COMMD1: variants seen among roughly 807,000 people sequenced by gnomAD.
COMMD1 encodes the protein copper metabolism domain containing 1, also known as COMM domain-containing protein 1.
A neutral mutation model predicts 17.2 loss-of-function variants in COMMD1; 10 were observed. The observed-to-expected ratio is 0.58, with a 90% CI of 0.36 to 0.99. COMMD1 has a LOEUF of 0.99. Ranked by LOEUF, COMMD1 falls within the 50% of genes least tolerant of loss-of-function variation. COMMD1 has a pLI of 0.01. For missense variants in COMMD1, 270 were observed against 231.8 expected, an observed-to-expected ratio of 1.17 and a Z score of -1.07; for synonymous variants, 97 against 91.6, an observed-to-expected ratio of 1.06 and a Z score of -0.34.
intron 1 of COMMD1, among the ~76,000 whole-genome samples, chr2:61,976,895 C>T (rs1232834933): frequency 6.7e-6 from 1 of 149,400 alleles, no homozygotes; most frequent in Admixed American, 6.7e-5. Flanking sequence ...GTGGTGTGGT[C>T]TCGGCTCACT....
chr2:62,119,256 C>A (rs1672681468), intron 2 of COMMD1, among the ~76,000 whole-genome samples: 1 of 152,176 alleles, frequency 6.6e-6, no homozygotes, highest in South Asian at 2.1e-4. Context: ...ACACCTTCAT[C>A]TTGGACTTCT....
intron 2 of COMMD1, among the ~76,000 whole-genome samples, chr2:62,041,079 A>C (rs947214594): frequency 6.6e-6 from 1 of 152,166 alleles, no homozygotes; most frequent in Admixed American, 6.5e-5. Flanking sequence ...CATTACGAGG[A>C]TCTTATCAGT....
At chr2:61,977,241 C>CTTTTTTT (rs1160361696) in intron 1 of COMMD1, among the ~76,000 whole-genome samples, 4 of 88,810 alleles carry the variant, frequency 4.5e-5, no homozygotes, top group African/African-American at 9.7e-5. Flanking sequence ...ATAAAGTTTG[C>CTTTTTTT]TTTTTTTTTT....
intron 2 of COMMD1, among the ~76,000 whole-genome samples, chr2:62,046,455 A>G (rs1321514418): frequency 6.6e-6 from 1 of 152,232 alleles, no homozygotes. Flanking sequence ...ATGACTTGAG[A>G]TGGGTAGAAT....
chr2:61,935,673 T>C (rs753874768), intron 1 of COMMD1, among the ~76,000 whole-genome samples: 11 of 152,100 alleles, frequency 7.2e-5, no homozygotes, highest in African/African-American at 1.2e-4. Flanking sequence ...TCATCCTCTG[T>C]TTTCACTTAG....
chr2:62,093,134 G>T (rs1671885708), intron 2 of COMMD1, among the ~76,000 whole-genome samples: 1 of 152,150 alleles, frequency 6.6e-6, no homozygotes, highest in African/African-American at 2.4e-5. Context: ...TGTTAAGGTG[G>T]TAGCCCTCCA....
chr2:61,897,446 G>T (rs2105159990), intron 1 of COMMD1, among the ~76,000 whole-genome samples: 1 of 152,222 alleles, frequency 6.6e-6, no homozygotes, highest in Middle Eastern at 3.4e-3. Flanking sequence ...AGATGGGAAG[G>T]GGAAAGATTT....
chr2:62,053,705 T>C (rs1015630950), intron 2 of COMMD1, among the ~76,000 whole-genome samples: 6 of 152,196 alleles, frequency 3.9e-5, no homozygotes, highest in Admixed American at 1.3e-4. Flanking sequence ...GAATACCACA[T>C]TGATGTCACA....
chr2:61,888,539 G>A (rs2105146975), upstream of COMMD1: 1 of 1,602,472 alleles, frequency 6.2e-7, no homozygotes. Flanking sequence ...GTTGGCTCGG[G>A]AAGGACGGAT....
At chr2:61,957,936 A>G (rs777838759) in intron 1 of COMMD1, among the ~76,000 whole-genome samples, 5 of 152,208 alleles carry the variant, frequency 3.3e-5, no homozygotes, top group East Asian at 1.9e-4. Flanking sequence ...CAGTGTGCTT[A>G]GTACTATTGC....
chr2:61,995,416 G>A (rs758611632), intron 1 of COMMD1, among the ~76,000 whole-genome samples: 1 of 152,164 alleles, frequency 6.6e-6, no homozygotes, highest in Non-Finnish European at 1.5e-5. Context: ...CTGTTAAACT[G>A]AGCTAGTTGG....
At chr2:61,904,200 A>G (rs926781169), upstream of COMMD1, among the ~76,000 whole-genome samples, 1 of 151,614 alleles carries the variant, frequency 6.6e-6, no homozygotes, top group African/African-American at 2.4e-5. Flanking sequence ...TTTAGTAGAG[A>G]TGGGGTTTCA....
chr2:61,888,610 C>A (rs902623859), upstream of COMMD1: 246 of 1,375,568 alleles, frequency 1.8e-4, 1 homozygote, highest in Middle Eastern at 2.6e-4. Flanking sequence ...CTTCACGAAC[C>A]TTCCAGAAAG....
intron 1 of COMMD1, among the ~76,000 whole-genome samples, chr2:61,955,312 T>TTCTC (rs70946770): frequency 0.079 from 11,546 of 145,384 alleles, 1,064 homozygotes; most frequent in African/African-American, 0.22. Flanking sequence ...CTCTCTCTCT[T>TTCTC]TCTCTCTCTC....
At chr2:62,059,904 CT>C (rs1670810565) in intron 2 of COMMD1, among the ~76,000 whole-genome samples, 1 of 151,994 alleles carries the variant, frequency 6.6e-6, no homozygotes, top group Non-Finnish European at 1.5e-5. Flanking sequence ...GTTTTTATTC[CT>C]GTTTATCCTT....
intron 2 of COMMD1, among the ~76,000 whole-genome samples, chr2:62,086,112 G>A (rs11895533): frequency 0.05 from 7,626 of 152,158 alleles, 649 homozygotes; most frequent in African/African-American, 0.17. Flanking sequence ...AGCCCAGGAG[G>A]TGGAGGCTGC....
chr2:62,033,572 C>G (rs1338538176), intron 2 of COMMD1, among the ~76,000 whole-genome samples: 3 of 151,758 alleles, frequency 2.0e-5, no homozygotes. Context: ...AGCAAGACCC[C>G]CATCTGTAAA....
intron 2 of COMMD1, among the ~76,000 whole-genome samples, chr2:62,045,638 G>A (rs1670360997): frequency 6.6e-6 from 1 of 151,132 alleles, no homozygotes; most frequent in South Asian, 2.1e-4. Flanking sequence ...CCGACCTCAA[G>A]GGATCTGCCT....
intron 2 of COMMD1, among the ~76,000 whole-genome samples, chr2:62,108,654 G>C (rs1234437820): frequency 6.6e-6 from 1 of 152,004 alleles, no homozygotes; most frequent in Non-Finnish European, 1.5e-5. Flanking sequence ...ATAAAAGGTA[G>C]GGACACTTCC....
Sources: allele counts gnomAD v4.1 joint callset (sites outside exome capture counted in the v4.1 genomes callset), GRCh38; gene constraint gnomAD v4.1.1; transcripts MANE v1.5; gene names NCBI Gene and HGNC (gene_info 2026-07-23, HGNC 2026-07-21).